Variants in EGFLAM observed in about 807,000 individuals in gnomAD.
The protein encoded by EGFLAM is EGF like, fibronectin type III and laminin G domains.
Under a neutral mutation model 113.1 loss-of-function variants are expected in EGFLAM, and 79 were observed. The observed-to-expected ratio is 0.70, with a 90% CI of 0.58 to 0.84. The LOEUF is 0.84. EGFLAM is among the 40% of genes least tolerant of loss of function. The pLI is 0.00. For synonymous variants in EGFLAM, 504 were observed against 487.6 expected (o/e 1.03, Z -0.44); for missense variants, 1,265 against 1,291.6 (o/e 0.98, Z 0.32).
At position 38,451,437 on chromosome 5, in the gene EGFLAM, G is replaced by C; in HGVS notation, c.2666G>C (p.Arg889Pro). The C allele has an allele frequency of 1.2e-6, 2 of 1,614,148 alleles. No homozygotes were observed. Among genetic ancestry groups the C allele is most frequent in the South Asian group, 1.1e-5 (1 of 91,070 alleles). The change falls in exon 19 of 22, where the codon CGG becomes CCG. Residue 889 changes from arginine (R) to proline (P), a missense_variant. Transcript: ENST00000322350. ...PNSDFISLGL[R>P]DGALVFSYNL... ...AGCGACTTCATTTCCTTGGGCCTTC[G>C]GGATGGAGCCCTCGTGTTCAGGTAA...
At chr5:38,390,488 A>T (rs1740781375) in intron 6 of EGFLAM, among the ~76,000 whole-genome samples, 1 of 151,612 alleles carries the variant, frequency 6.6e-6, no homozygotes, top group African/African-American at 2.4e-5. Flanking sequence ...GTATGTGTGT[A>T]CAAGAGCTTT....
At chr5:38,313,655 T>G (rs968556424) in intron 1 of EGFLAM, among the ~76,000 whole-genome samples, 3 of 152,190 alleles carry the variant, frequency 2.0e-5, no homozygotes, top group Non-Finnish European at 2.9e-5. Flanking sequence ...TTTATAGAAC[T>G]GGATTCTACC....
chr5:38,287,992 G>C (rs1758209744), intron 1 of EGFLAM, among the ~76,000 whole-genome samples: 1 of 152,094 alleles, frequency 6.6e-6, no homozygotes. Flanking sequence ...AAATTCCAAA[G>C]ATATAATGAT....
intron 6 of EGFLAM, among the ~76,000 whole-genome samples, chr5:38,398,996 T>C (rs1741033879): frequency 6.6e-6 from 1 of 152,238 alleles, no homozygotes; most frequent in Non-Finnish European, 1.5e-5. Flanking sequence ...AGGATGAAGA[T>C]GAAGCAGATG....
Position 38,431,304 on chromosome 5 carries a change from C to A in EGFLAM, c.2166+16C>A. Reference sequence around the variant, plus strand: ...AATGGCAGAGGTAAGAACAGTACACCTTTTCTCTTGATGGTTAGTGTGAGC... The same window carrying A: ...AATGGCAGAGGTAAGAACAGTACACATTTTCTCTTGATGGTTAGTGTGAGC... On this transcript the variant is annotated intron_variant, in intron 15 of 21. Transcript: ENST00000322350. 3.1e-6 allele frequency: 5 copies of A among 1,609,922 alleles called. No homozygotes were observed. Among genetic ancestry groups the A allele is most frequent in the Non-Finnish European group, 4.2e-6 (5 of 1,176,918 alleles).
rs542126709 is a variant in EGFLAM, at chr5:38,348,981, C to T, written c.292-1520C>T. 5.3e-5 allele frequency among the ~76,000 whole-genome samples: 8 copies of T among 152,224 alleles called. No individual in the cohort carries two copies. In the South Asian group the frequency reaches 8.3e-4, roughly 16 times the overall value. On this transcript the variant is annotated intron_variant, in intron 3 of 21. Transcript: ENST00000322350. Reference sequence around the variant, plus strand: ...GATTTAAGTGGTCTGGAGTGGAGTTCGGGCCTCAGTCGTTTAGATCACCGA... The same window carrying T: ...GATTTAAGTGGTCTGGAGTGGAGTTTGGGCCTCAGTCGTTTAGATCACCGA...
intron 5 of EGFLAM, among the ~76,000 whole-genome samples, chr5:38,360,775 T>TTCC (rs1203326895): frequency 6.6e-6 from 1 of 152,192 alleles, no homozygotes; most frequent in Non-Finnish European, 1.5e-5. Flanking sequence ...CTTTTCTGCT[T>TTCC]TCCTACATAG....
At chr5:38,437,374 G>A (rs1055782936) in intron 16 of EGFLAM, among the ~76,000 whole-genome samples, 6 of 152,148 alleles carry the variant, frequency 3.9e-5, no homozygotes, top group African/African-American at 1.4e-4. Flanking sequence ...GACTGCTTGA[G>A]AACATTAGTT....
intron 1 of EGFLAM, among the ~76,000 whole-genome samples, chr5:38,269,507 T>TC (rs1460855246): frequency 4.6e-5 from 7 of 151,552 alleles, no homozygotes; most frequent in African/African-American, 2.4e-5. Context: ...TTTTTTTTTT[T>TC]TAGACGGAGT....
chr5:38,302,777 G>A (rs1156511542), intron 1 of EGFLAM, among the ~76,000 whole-genome samples: 2 of 150,912 alleles, frequency 1.3e-5, no homozygotes, highest in African/African-American at 4.9e-5. Context: ...CTGTAAAGTA[G>A]ACCATATAGA....
At chr5:38,275,718 C>T (rs1453435925) in intron 1 of EGFLAM, among the ~76,000 whole-genome samples, 1 of 152,138 alleles carries the variant, frequency 6.6e-6, no homozygotes, top group Non-Finnish European at 1.5e-5. Context: ...AACAACTGAA[C>T]CTAACAAACA....
chr5:38,399,015 G>A (rs1741034305), intron 6 of EGFLAM, among the ~76,000 whole-genome samples: 1 of 152,204 alleles, frequency 6.6e-6, no homozygotes, highest in Non-Finnish European at 1.5e-5. Context: ...TGAATCAAAT[G>A]CCATTCTTAT....
At chr5:38,448,228 C>T (rs1742785171) in intron 17 of EGFLAM, 73 bp from the exon 18 acceptor site, 1 of 1,494,950 alleles carries the variant, frequency 6.7e-7, no homozygotes, top group South Asian at 1.1e-5. Flanking sequence ...TGGGTGTTTT[C>T]CTGCCATGTG....
chr5:38,437,527 G>C (rs1742387892), intron 16 of EGFLAM, among the ~76,000 whole-genome samples: 1 of 152,108 alleles, frequency 6.6e-6, no homozygotes, highest in Admixed American at 6.5e-5. Context: ...CTCCCAGCCT[G>C]GGCTGCATCT....
At chr5:38,323,905 G>T (rs1738805098) in intron 1 of EGFLAM, among the ~76,000 whole-genome samples, 1 of 151,996 alleles carries the variant, frequency 6.6e-6, no homozygotes, top group Non-Finnish European at 1.5e-5. Flanking sequence ...AAGCTGGCGT[G>T]GTGGTGCATG....
chr5:38,396,492 A>G (rs1054290885), intron 6 of EGFLAM, among the ~76,000 whole-genome samples: 2 of 152,250 alleles, frequency 1.3e-5, no homozygotes, highest in African/African-American at 4.8e-5. Context: ...GCACCCTGCA[A>G]GATTTGGCTC....
intron 1 of EGFLAM, among the ~76,000 whole-genome samples, chr5:38,284,910 C>T (rs1254582667): frequency 2.6e-5 from 4 of 152,054 alleles, no homozygotes; most frequent in African/African-American, 9.7e-5. Context: ...AAACAGAAAG[C>T]TTTATAGACC....
rs567368565 is a variant in EGFLAM at position 38,343,107 on chromosome 5, A to G, written c.291+4326A>G. Among the ~76,000 whole-genome samples, 11 of 152,278 alleles carry G rather than the reference A, an allele frequency of 7.2e-5. No individual in the cohort carries two copies. In the South Asian group the frequency reaches 2.1e-3, roughly 29 times the overall value. The stretch of plus-strand genomic sequence containing the variant: ...CTTTTCTGAATTTCTCTTCAACTAT[A>G]AAATGAAGGGATGGGGCCAGGCACA... On this transcript the variant is annotated intron_variant, in intron 3 of 21. Coordinates refer to ENST00000322350, the MANE Select transcript of EGFLAM (RefSeq NM_152403.4).
intron 16 of EGFLAM, among the ~76,000 whole-genome samples, chr5:38,437,364 G>A (rs928228442): frequency 3.9e-5 from 6 of 152,178 alleles, no homozygotes; most frequent in African/African-American, 1.4e-4. Context: ...AATTTTAGGA[G>A]ACTGCTTGAG....
Sources: allele counts gnomAD v4.1 joint callset (sites outside exome capture counted in the v4.1 genomes callset), GRCh38; gene constraint gnomAD v4.1.1; transcripts MANE v1.5; gene names NCBI Gene and HGNC (gene_info 2026-07-23, HGNC 2026-07-21).